The following OLFM3 variants were observed in gnomAD, a reference collection of about 807,000 sequenced individuals.
The protein encoded by OLFM3 is noelin-3.
A neutral mutation model predicts 48.6 loss-of-function variants in OLFM3; 20 were observed. The observed-to-expected ratio is 0.41, with a 90% confidence interval of 0.29 to 0.60. The LOEUF is 0.60. Among genes scored for constraint, OLFM3 ranks in the 20% least tolerant of loss-of-function variants. The probability of loss-of-function intolerance (pLI) is 0.28; values close to 1 mark genes in which losing one functional copy is unlikely to be tolerated. For synonymous variants in OLFM3, 222 were observed against 198.1 expected, an observed-to-expected ratio of 1.12 and a Z score of -1.01; for missense variants, 437 against 544.3, an observed-to-expected ratio of 0.80 and a Z score of 1.96.
chr1:101,814,321 T>G (rs1348637153), intron 4 of OLFM3, among the ~76,000 whole-genome samples: 1 of 151,228 alleles, frequency 6.6e-6, no homozygotes, highest in Non-Finnish European at 1.5e-5. Flanking sequence ...TTAACAATAA[T>G]GAGAAAGCAT....
chr1:101,988,723 A>G (rs993289839), intron 1 of OLFM3, among the ~76,000 whole-genome samples: 12 of 152,096 alleles, frequency 7.9e-5, no homozygotes, highest in Non-Finnish European at 1.3e-4. Context: ...CTAGATAGGA[A>G]AGAATAGGAT....
chr1:101,964,728 G>T (rs1660561990), intron 1 of OLFM3, among the ~76,000 whole-genome samples: 1 of 152,176 alleles, frequency 6.6e-6, no homozygotes, highest in Non-Finnish European at 1.5e-5. Context: ...CTTTCAACAA[G>T]TGTTCATTTA....
chr1:101,813,211 T>C lies in OLFM3; in HGVS notation c.593-7029A>G, dbSNP rs76281050. On this transcript the variant is annotated intron_variant, in intron 4 of 5. Coordinates refer to ENST00000370103, the MANE Select transcript of OLFM3 (RefSeq NM_058170.4). ...AATCTGTATTGAGAAGAAAAGGACA[T>C]AGCAATGAGTGCACTAAATATTTGT... 1,750 of 563,118 alleles carry C rather than the reference T, an allele frequency of 3.1e-3. 17 individuals carry two copies. Among genetic ancestry groups the C allele is most frequent in the Middle Eastern group, 0.026 (58 of 2,240 alleles). 34.9% of individuals were successfully genotyped at this position (563,118 alleles called of 1,614,324 possible). A position where few individuals can be genotyped will look rare whatever the true frequency, so the allele number is the denominator to read the frequency against.
At chr1:101,822,129 TG>T (rs889508627) in intron 4 of OLFM3, among the ~76,000 whole-genome samples, 4 of 151,976 alleles carry the variant, frequency 2.6e-5, no homozygotes, top group African/African-American at 9.7e-5. Context: ...AGGCTATATT[TG>T]GGGGGTTACA....
chr1:101,835,057 A>C (rs1655334558), intron 2 of OLFM3, among the ~76,000 whole-genome samples: 1 of 152,190 alleles, frequency 6.6e-6, no homozygotes, highest in African/African-American at 2.4e-5. Flanking sequence ...GTAATGCTGT[A>C]CTGAAAAATA....
intron 1 of OLFM3, among the ~76,000 whole-genome samples, chr1:101,911,301 A>G (rs182477404): frequency 3.1e-4 from 47 of 152,294 alleles, no homozygotes; most frequent in Non-Finnish European, 2.8e-4. Flanking sequence ...TTACACAGAA[A>G]AAGTAATGAG....
intron 4 of OLFM3, among the ~76,000 whole-genome samples, chr1:101,816,458 C>T (rs867363883): frequency 9.2e-5 from 14 of 152,076 alleles, no homozygotes; most frequent in African/African-American, 3.1e-4. Context: ...TAATCATGTG[C>T]CTATCTTTCC....
At chr1:101,843,717 G>A (rs1221438047) in intron 1 of OLFM3, among the ~76,000 whole-genome samples, 1 of 152,122 alleles carries the variant, frequency 6.6e-6, no homozygotes, top group Non-Finnish European at 1.5e-5. Context: ...AGAGGCACCT[G>A]CCATAAATTG....
At chr1:101,976,429 TACATAATTGGTACCCTA>T (rs1363547685) in intron 1 of OLFM3, among the ~76,000 whole-genome samples, 1 of 152,172 alleles carries the variant, frequency 6.6e-6, no homozygotes, top group Non-Finnish European at 1.5e-5. Context: ...GGAGAGGACT[TACATAATTGGTACCCTA>T]AAAAGAGACA....
At chr1:101,848,206 C>T (rs899615855) in intron 1 of OLFM3, among the ~76,000 whole-genome samples, 8 of 151,526 alleles carry the variant, frequency 5.3e-5, no homozygotes, top group Non-Finnish European at 1.2e-4. Flanking sequence ...AGAGAAGACA[C>T]AAAACAAAAT....
intron 1 of OLFM3, among the ~76,000 whole-genome samples, chr1:101,851,586 GGATGAC>G (rs1325037714): frequency 2.6e-5 from 4 of 152,076 alleles, no homozygotes. Context: ...CAACTTTGCT[GGATGAC>G]ACCATCAGTC....
At chr1:101,863,133 G>T (rs1352803859) in intron 1 of OLFM3, among the ~76,000 whole-genome samples, 1 of 151,768 alleles carries the variant, frequency 6.6e-6, no homozygotes, top group African/African-American at 2.4e-5. Flanking sequence ...GTTAACTTTT[G>T]TATTTTTTAG....
chr1:101,974,636 A>C (rs1198764445), intron 1 of OLFM3, among the ~76,000 whole-genome samples: 1 of 152,152 alleles, frequency 6.6e-6, no homozygotes, highest in Non-Finnish European at 1.5e-5. Flanking sequence ...TCTTGAAAAA[A>C]GCACTGCTTT....
chr1:101,806,017 A>G, intron 5 of OLFM3, 59 bp downstream of exon 5: 1 of 1,277,784 alleles, frequency 7.8e-7, no homozygotes, highest in Non-Finnish European at 1.1e-6. Context: ...ATAGTCCAGA[A>G]GAGAAAAAGT....
At chr1:101,867,494 C>A in intron 1 of OLFM3, among the ~76,000 whole-genome samples, 1 of 152,160 alleles carries the variant, frequency 6.6e-6, no homozygotes, top group Non-Finnish European at 1.5e-5. Flanking sequence ...ATTCCAAAGT[C>A]AATCTAGACT....
At chr1:101,837,337 T>C (rs190279088) in intron 1 of OLFM3, among the ~76,000 whole-genome samples, 322 of 152,320 alleles carry the variant, frequency 2.1e-3, no homozygotes, top group Non-Finnish European at 3.6e-3. Flanking sequence ...TAGAAGCATC[T>C]AGTAACTACT....
chr1:101,839,128 T>C (rs1332770603), intron 1 of OLFM3, among the ~76,000 whole-genome samples: 1 of 152,212 alleles, frequency 6.6e-6, no homozygotes, highest in Non-Finnish European at 1.5e-5. Flanking sequence ...GACATATCTT[T>C]TGAATGTCTT....
intron 1 of OLFM3, among the ~76,000 whole-genome samples, chr1:101,950,584 G>A (rs1417294326): frequency 6.6e-6 from 1 of 151,536 alleles, no homozygotes; most frequent in Admixed American, 6.6e-5. Flanking sequence ...GACTACAAGC[G>A]CCTGCCACCA....
At chr1:101,974,268 A>G (rs1417905910) in intron 1 of OLFM3, among the ~76,000 whole-genome samples, 1 of 152,166 alleles carries the variant, frequency 6.6e-6, no homozygotes, top group Non-Finnish European at 1.5e-5. Flanking sequence ...GTGTCTGTGG[A>G]AGAAATTAGC....
Sources: gnomAD v4.1 joint callset for allele counts (sites outside exome capture counted in the v4.1 genomes callset) on GRCh38, gnomAD v4.1.1 for gene constraint, MANE v1.5 for transcripts, NCBI Gene and HGNC (gene_info 2026-07-23, HGNC 2026-07-21) for gene names.